The following ZNF804A variants were observed in gnomAD, a reference collection of about 807,000 sequenced individuals.
ZNF804A encodes zinc finger protein 804A.
Under a neutral mutation model 16.5 loss-of-function variants are expected in ZNF804A, and 2 were observed. The ratio of observed to expected loss-of-function variants is 0.12; its 90% confidence interval spans 0.05 to 0.38. The LOEUF (loss-of-function observed/expected upper bound fraction) is 0.38, where lower values mean the gene tolerates loss of function less well. Ranked by LOEUF, ZNF804A falls within the 10% of genes least tolerant of loss-of-function variation. The pLI is 0.99. For synonymous variants in ZNF804A, 534 were observed against 489.6 expected (o/e 1.09, Z -1.20); for missense variants, 1,473 against 1,390.7 (o/e 1.06, Z -0.94).
chr2:184,614,166 C>A (rs1310196551), intron 1 of ZNF804A, among the ~76,000 whole-genome samples: 8 of 152,004 alleles, frequency 5.3e-5, no homozygotes, highest in Admixed American at 5.2e-4. Flanking sequence ...ACAAACCTGA[C>A]AAAAACAAGA....
At position 184,781,600 on chromosome 2, in the gene ZNF804A, C is replaced by T. The variant is rs138813841; in HGVS notation, c.112-84769C>T. On this transcript the variant is annotated intron_variant, in intron 1 of 3. Coordinates refer to ENST00000302277, the MANE Select transcript of ZNF804A (RefSeq NM_194250.2). Reference sequence around the variant, plus strand: ...AATTCCTATGGGTACCACACTACACCTTGGCTGCTTGGAGTCAAAAGTGCT... The same window carrying T: ...AATTCCTATGGGTACCACACTACACTTTGGCTGCTTGGAGTCAAAAGTGCT... Among the ~76,000 whole-genome samples, 1,379 of 151,766 alleles carry T rather than the reference C, an allele frequency of 9.1e-3. 23 individuals are homozygous for T. Among genetic ancestry groups the T allele is most frequent in the African/African-American group, 0.032 (1,318 of 41,444 alleles).
At chr2:184,796,810 T>C (rs1232901225) in intron 1 of ZNF804A, among the ~76,000 whole-genome samples, 1 of 152,070 alleles carries the variant, frequency 6.6e-6, no homozygotes, top group Admixed American at 6.6e-5. Flanking sequence ...ATCCCAGAGG[T>C]TGGGGTAGGT....
chr2:184,609,388 C>T (rs941717771), intron 1 of ZNF804A, among the ~76,000 whole-genome samples: 3 of 152,172 alleles, frequency 2.0e-5, no homozygotes, highest in Non-Finnish European at 4.4e-5. Context: ...AGTGTTTTGA[C>T]AGAGAGGCGT....
In ZNF804A at chr2:184,820,725, G is replaced by A. The variant is rs150391287; in HGVS notation, c.112-45644G>A. Reference sequence around the variant, plus strand: ...ATAAGCAACTTCAGCAAAGTTTCAGGATACAAAATAAATGTGCAAAAATCT... The same window carrying A: ...ATAAGCAACTTCAGCAAAGTTTCAGAATACAAAATAAATGTGCAAAAATCT... On this transcript the variant is annotated intron_variant, in intron 1 of 3. Coordinates refer to ENST00000302277, the MANE Select transcript of ZNF804A (RefSeq NM_194250.2). 6.6e-5 allele frequency among the ~76,000 whole-genome samples: 10 copies of A among 152,084 alleles called. No homozygotes were observed. In the East Asian group the frequency reaches 1.9e-3, roughly 29 times the overall value.
intron 1 of ZNF804A, among the ~76,000 whole-genome samples, chr2:184,808,367 T>A (rs961930864): frequency 6.6e-6 from 1 of 151,614 alleles, no homozygotes; most frequent in African/African-American, 2.4e-5. Context: ...TTTCAGTGGT[T>A]AGAAGATTGG....
At chr2:184,657,544 A>G (rs1051189885) in intron 1 of ZNF804A, among the ~76,000 whole-genome samples, 3 of 152,188 alleles carry the variant, frequency 2.0e-5, no homozygotes, top group African/African-American at 7.2e-5. Flanking sequence ...AACTCTATTT[A>G]GCTTTTTACA....
chr2:184,804,612 A>T (rs1358375702), intron 1 of ZNF804A, among the ~76,000 whole-genome samples: 3 of 152,222 alleles, frequency 2.0e-5, no homozygotes, highest in Non-Finnish European at 4.4e-5. Flanking sequence ...AAACTAGATA[A>T]TGCAGAGAAA....
intron 1 of ZNF804A, among the ~76,000 whole-genome samples, chr2:184,751,956 C>CT (rs1693883818): frequency 6.6e-6 from 1 of 151,624 alleles, no homozygotes; most frequent in East Asian, 1.9e-4. Context: ...GTCAAAATAG[C>CT]TTTTTTAAAA....
intron 1 of ZNF804A, among the ~76,000 whole-genome samples, chr2:184,825,731 G>A (rs1047918892): frequency 2.0e-5 from 3 of 151,992 alleles, no homozygotes; most frequent in Non-Finnish European, 4.4e-5. Flanking sequence ...TGGAAAAGAA[G>A]TCATTACTGG....
intron 2 of ZNF804A, among the ~76,000 whole-genome samples, chr2:184,933,232 A>G (rs1660704909): frequency 6.6e-6 from 1 of 152,156 alleles, no homozygotes; most frequent in Admixed American, 6.5e-5. Context: ...TATTATATAT[A>G]ACAGAAATAC....
intron 1 of ZNF804A, among the ~76,000 whole-genome samples, chr2:184,833,616 AT>A: frequency 6.6e-6 from 1 of 152,162 alleles, no homozygotes; most frequent in Non-Finnish European, 1.5e-5. Context: ...TTTCTAGTTT[AT>A]TTGTTGTTAA....
chr2:184,905,564 C>T (rs1370854218), intron 2 of ZNF804A, among the ~76,000 whole-genome samples: 1 of 152,040 alleles, frequency 6.6e-6, no homozygotes, highest in Non-Finnish European at 1.5e-5. Flanking sequence ...ATTCTCATTT[C>T]TTTTAGGTGA....
At chr2:184,904,546 G>C (rs948717867) in intron 2 of ZNF804A, among the ~76,000 whole-genome samples, 3 of 152,014 alleles carry the variant, frequency 2.0e-5, no homozygotes, top group Non-Finnish European at 4.4e-5. Context: ...AGTATTCTGG[G>C]TGTAAAATCT....
At position 184,937,841 on chromosome 2, in the gene ZNF804A, A is replaced by T; in HGVS notation, c.2445A>T (p.Lys815Asn). Residue 815 changes from lysine to asparagine, a missense_variant, in exon 4 of 4, where the codon AAA (lysine) becomes AAT (asparagine). Coordinates refer to ENST00000302277, the MANE Select transcript of ZNF804A (RefSeq NM_194250.2). ...PCKPKKKRRR[K>N]RGRFHPGFET... ...AGCCTAAAAAGAAACGGAGGCGAAA[A>T]AGAGGCAGATTCCACCCCGGATTTG... 1 of 1,614,146 alleles carries T rather than the reference A, an allele frequency of 6.2e-7. No homozygotes were observed. The highest frequency in any genetic ancestry group is 8.5e-7 in the Non-Finnish European group (1 of 1,180,012).
At chr2:184,678,750 T>G (rs1692483051) in intron 1 of ZNF804A, among the ~76,000 whole-genome samples, 1 of 152,138 alleles carries the variant, frequency 6.6e-6, no homozygotes, top group Admixed American at 6.6e-5. Context: ...AATATTAACA[T>G]GAACTAATGG....
intron 2 of ZNF804A, among the ~76,000 whole-genome samples, chr2:184,906,707 A>T (rs1558999025): frequency 6.6e-6 from 1 of 152,116 alleles, no homozygotes; most frequent in Non-Finnish European, 1.5e-5. Context: ...CATCAATCAG[A>T]CATTAATTTA....
chr2:184,658,792 G>A (rs1348803583), intron 1 of ZNF804A, among the ~76,000 whole-genome samples: 1 of 152,154 alleles, frequency 6.6e-6, no homozygotes, highest in Non-Finnish European at 1.5e-5. Flanking sequence ...AATCTTTTCA[G>A]GTTATGTTTC....
At chr2:184,935,599 T>C (rs935065546) in intron 3 of ZNF804A, among the ~76,000 whole-genome samples, 184 bp from the exon 4 acceptor site, 1 of 152,120 alleles carries the variant, frequency 6.6e-6, no homozygotes, top group Non-Finnish European at 1.5e-5. Context: ...TTCCAAACAG[T>C]AACCAACAAG....
intron 1 of ZNF804A, among the ~76,000 whole-genome samples, chr2:184,643,262 AG>A (rs1691820663): frequency 6.6e-6 from 1 of 151,968 alleles, no homozygotes; most frequent in Non-Finnish European, 1.5e-5. Context: ...GTATAGTGAA[AG>A]GTTCTTATTT....
Sources: gnomAD v4.1 joint callset for allele counts (sites outside exome capture counted in the v4.1 genomes callset) on GRCh38, gnomAD v4.1.1 for gene constraint, MANE v1.5 for transcripts, NCBI Gene and HGNC (gene_info 2026-07-23, HGNC 2026-07-21) for gene names.